Variants in VPS8 observed in about 807,000 individuals in gnomAD.
VPS8 encodes the protein VPS8 subunit of CORVET complex.
In VPS8, 129 loss-of-function variants were observed where a neutral mutation model predicts 216.4. That is an observed-to-expected ratio of 0.60 (90% CI 0.52 to 0.69). VPS8 has a LOEUF of 0.69. Ranked by LOEUF, VPS8 falls within the 30% of genes least tolerant of loss-of-function variation. VPS8 has a pLI of 0.00. For synonymous variants in VPS8, 571 were observed against 565.4 expected (o/e 1.01, Z -0.14); for missense variants, 1,531 against 1,683.5 (o/e 0.91, Z 1.59).
intron 36 of VPS8, among the ~76,000 whole-genome samples, chr3:184,941,779 G>A (rs1452633976): frequency 6.6e-6 from 1 of 151,856 alleles, no homozygotes; most frequent in Non-Finnish European, 1.5e-5. Flanking sequence ...TTTTAATCAA[G>A]TCCTTTTCCT....
At chr3:184,984,194 A>AAAAAAAAAGAAAAAAAAACTCACCAAG in intron 42 of VPS8, among the ~76,000 whole-genome samples, 1 of 46,528 alleles carries the variant, frequency 2.1e-5, no homozygotes, top group African/African-American at 6.7e-5. Flanking sequence ...AAAAAAAAAA[A>AAAAAAAAAGAAAAAAAAACTCACCAAG]CTCTACTTCC....
intron 21 of VPS8, 103 bp from the exon 22 acceptor site, chr3:184,886,007 T>C (rs1358604483): frequency 1.6e-6 from 2 of 1,280,856 alleles, no homozygotes; most frequent in South Asian, 1.4e-5. Flanking sequence ...TATGAAGTTA[T>C]ATCCTCCTAA....
chr3:184,986,747 T>C (rs368322904), intron 42 of VPS8, among the ~76,000 whole-genome samples: 24 of 152,326 alleles, frequency 1.6e-4, no homozygotes, highest in Middle Eastern at 3.4e-3. Flanking sequence ...AGGCCTTTCA[T>C]TGAGGTTTAG....
In VPS8 at chr3:184,832,886, G is replaced by A. The variant is rs1401627264; in HGVS notation, c.353+67G>A. 3.3e-6 allele frequency: 5 copies of A among 1,536,576 alleles called. 1 individual carries two copies. The highest frequency in any genetic ancestry group is 2.8e-5 in the African/African-American group (2 of 72,338). ...TTCAATTGTTTCAAATGTAAATATT[G>A]TACTTTTTAAAGTACAATATGGTCT... On this transcript the variant is annotated intron_variant, in intron 4 of 47. Coordinates refer to ENST00000625842, the MANE Select transcript of VPS8 (RefSeq NM_001009921.3).
chr3:185,019,584 C>G (rs1433650180), intron 45 of VPS8, among the ~76,000 whole-genome samples: 3 of 152,182 alleles, frequency 2.0e-5, no homozygotes, highest in African/African-American at 7.2e-5. Context: ...GGAACATGTC[C>G]TTAAGGCACA....
At chr3:184,847,500 C>T (rs1329716045) in intron 8 of VPS8, among the ~76,000 whole-genome samples, 1 of 152,278 alleles carries the variant, frequency 6.6e-6, no homozygotes, top group African/African-American at 2.4e-5. Context: ...TCTTAGCCCT[C>T]AGAGAGGTCA....
At chr3:184,855,346 A>G (rs964893815) in intron 13 of VPS8, among the ~76,000 whole-genome samples, 3 of 152,176 alleles carry the variant, frequency 2.0e-5, no homozygotes, top group African/African-American at 7.2e-5. Context: ...AAATTTCAGA[A>G]ACCAGTATTC....
At chr3:184,968,923 A>T (rs544346645) in intron 39 of VPS8, among the ~76,000 whole-genome samples, 1 of 152,166 alleles carries the variant, frequency 6.6e-6, no homozygotes, top group Admixed American at 6.5e-5. Flanking sequence ...GATAGGGTCT[A>T]TGTTGTTTTA....
chr3:184,898,842 G>T (rs1169226873), intron 24 of VPS8, among the ~76,000 whole-genome samples, 188 bp downstream of exon 24: 1 of 152,006 alleles, frequency 6.6e-6, no homozygotes, highest in Non-Finnish European at 1.5e-5. Context: ...TTCTGCCATT[G>T]CTTGCTTTCT....
At chr3:184,944,462 C>T (rs1055946218) in intron 36 of VPS8, 2 of 980,510 alleles carry the variant, frequency 2.0e-6, no homozygotes, top group African/African-American at 3.5e-5. Context: ...TGAATTCTCA[C>T]AGGAGTTCTC....
intron 22 of VPS8, 127 bp from the exon 23 acceptor site, chr3:184,894,576 T>G (rs937590647): frequency 6.2e-6 from 4 of 643,474 alleles, no homozygotes; most frequent in Non-Finnish European, 1.0e-5. Flanking sequence ...CTGTGAATAT[T>G]ATTGCCATTT....
chr3:184,903,611 G>A (rs1405638778), intron 25 of VPS8, among the ~76,000 whole-genome samples: 3 of 148,442 alleles, frequency 2.0e-5, no homozygotes, highest in Non-Finnish European at 4.4e-5. Flanking sequence ...ATGCCCTGCT[G>A]AATTAAAAAA....
At chr3:184,924,176 C>T (rs899293920) in intron 29 of VPS8, among the ~76,000 whole-genome samples, 15 of 152,112 alleles carry the variant, frequency 9.9e-5, no homozygotes, top group African/African-American at 1.7e-4. Context: ...AAGCGGAAGC[C>T]GTTCACTTCA....
At chr3:185,040,608 C>T (rs1034887051) in intron 46 of VPS8, among the ~76,000 whole-genome samples, 9 of 152,078 alleles carry the variant, frequency 5.9e-5, no homozygotes, top group African/African-American at 2.2e-4. Flanking sequence ...CAGGTGAGGT[C>T]ATTTTAGAAC....
rs562438582 is a variant in VPS8 at position 185,001,549 on chromosome 3, A to T, written c.4002+1688A>T. Among the ~76,000 whole-genome samples, 8 of 152,206 alleles carry T rather than the reference A, an allele frequency of 5.3e-5. No individual in the cohort carries two copies. The East Asian group carries it at 1.5e-3, about 29-fold the overall frequency. ...GGCCTACCACCTTCCTAGCACATCA[A>T]TGTCTACACCAACCCATAAGCTCCT... On this transcript the variant is annotated intron_variant, in intron 45 of 47. Transcript: ENST00000625842.
At chr3:184,828,653 C>T (rs1011018552) in intron 3 of VPS8, among the ~76,000 whole-genome samples, 3 of 152,108 alleles carry the variant, frequency 2.0e-5, no homozygotes, top group African/African-American at 7.2e-5. Flanking sequence ...AGTCTTTGAC[C>T]CTTTCTAATC....
In VPS8 at chr3:184,866,751, T is replaced by C. The variant is rs188522453; in HGVS notation, c.1396-125T>C. 163 of 828,380 alleles carry C rather than the reference T, an allele frequency of 2.0e-4. No individual in the cohort carries two copies. The African/African-American group carries it at 2.6e-3, about 13-fold the overall frequency. The allele number at this position is 828,380 out of a possible 1,614,324, so 51.3% of individuals were successfully genotyped here. ...AATGTAGACTGAGATAAGTTACACA[T>C]TGTAAACTATAATCACTAAAAAAGA... is the stretch of plus-strand genomic sequence containing the variant. On this transcript the variant is annotated intron_variant, in intron 16 of 47. Transcript: ENST00000625842.
At chr3:184,999,954 A>G in intron 45 of VPS8, 93 bp downstream of exon 45, 2 of 1,390,986 alleles carry the variant, frequency 1.4e-6, no homozygotes, top group Non-Finnish European at 1.9e-6. Flanking sequence ...ATAGGTCTCA[A>G]CAAATTTACC....
chr3:184,862,953 T>A lies in VPS8; in HGVS notation c.1281T>A (p.Ile427=). Residue 427 remains isoleucine (I), a synonymous_variant, in exon 16 of 48, where the codon ATT becomes ATA. Transcript: ENST00000625842. ...LLDSVEKLHV[I]DRQTQEELET... is the part of the protein sequence containing the mutation. Reference sequence around the variant, plus strand: ...ACAGCGTAGAGAAGTTGCATGTGATTGATCGGCAAACACAAGAGGAATTGG... The same window carrying A: ...ACAGCGTAGAGAAGTTGCATGTGATAGATCGGCAAACACAAGAGGAATTGG... 6.2e-7 allele frequency: 1 copy of A among 1,613,962 alleles called. No homozygotes were observed. The highest frequency in any genetic ancestry group is 8.5e-7 in the Non-Finnish European group (1 of 1,179,826).
Sources: gnomAD v4.1 joint callset for allele counts (sites outside exome capture counted in the v4.1 genomes callset) on GRCh38, gnomAD v4.1.1 for gene constraint, MANE v1.5 for transcripts, NCBI Gene and HGNC (gene_info 2026-07-23, HGNC 2026-07-21) for gene names.